PDE10A: variants seen among roughly 807,000 people sequenced by gnomAD.
PDE10A encodes cAMP and cAMP-inhibited cGMP 3',5'-cyclic phosphodiesterase 10A.
Under a neutral mutation model 97.7 loss-of-function variants are expected in PDE10A, and 39 were observed. The observed-to-expected ratio is 0.40, with a 90% CI of 0.31 to 0.52. PDE10A has a LOEUF of 0.52. PDE10A is among the 20% of genes least tolerant of loss of function. PDE10A has a pLI of 0.56. For missense variants in PDE10A, 731 were observed against 1,047.8 expected, an observed-to-expected ratio of 0.70 and a Z score of 4.17; for synonymous variants, 371 against 376.8, an observed-to-expected ratio of 0.98 and a Z score of 0.18.
chr6:165,649,353 A>G (rs1477830597), intron 1 of PDE10A, among the ~76,000 whole-genome samples: 1 of 152,210 alleles, frequency 6.6e-6, no homozygotes, highest in Non-Finnish European at 1.5e-5. Flanking sequence ...TATCCAAACC[A>G]AGGGGGAAGA....
intron 1 of PDE10A, among the ~76,000 whole-genome samples, chr6:165,720,001 G>A (rs1205376340): frequency 6.6e-6 from 1 of 152,226 alleles, no homozygotes; most frequent in Non-Finnish European, 1.5e-5. Flanking sequence ...GAGGATCGGG[G>A]AGGAACTGCT....
chr6:165,334,901 A>C (rs562197505), intron 21 of PDE10A, among the ~76,000 whole-genome samples: 9 of 152,200 alleles, frequency 5.9e-5, no homozygotes, highest in Non-Finnish European at 1.2e-4. Context: ...AAATTTCAAC[A>C]GCAGAAGATA....
chr6:165,878,177 A>C (rs1781393315), intron 1 of PDE10A, among the ~76,000 whole-genome samples: 1 of 152,226 alleles, frequency 6.6e-6, no homozygotes, highest in Non-Finnish European at 1.5e-5. Flanking sequence ...ACATTTTACA[A>C]AATCAGATTG....
At chr6:165,673,589 T>C (rs1307823604) in intron 1 of PDE10A, among the ~76,000 whole-genome samples, 1 of 152,240 alleles carries the variant, frequency 6.6e-6, no homozygotes, top group African/African-American at 2.4e-5. Context: ...AGTTTGTGTA[T>C]TTATTTGTAC....
intron 1 of PDE10A, among the ~76,000 whole-genome samples, chr6:165,693,773 G>A (rs1791371411): frequency 6.6e-6 from 1 of 152,028 alleles, no homozygotes; most frequent in South Asian, 2.1e-4. Flanking sequence ...ATTCATCTCC[G>A]GGTTCATTTG....
At chr6:165,387,249 G>C (rs1212209219) in intron 17 of PDE10A, among the ~76,000 whole-genome samples, 2 of 152,144 alleles carry the variant, frequency 1.3e-5, no homozygotes, top group Non-Finnish European at 2.9e-5. Context: ...CTTCTACCCA[G>C]AAGATAATTC....
At chr6:165,521,244 C>CT (rs992323808) in intron 2 of PDE10A, among the ~76,000 whole-genome samples, 1 of 152,108 alleles carries the variant, frequency 6.6e-6, no homozygotes, top group Non-Finnish European at 1.5e-5. Flanking sequence ...CACCAACTGG[C>CT]TGTTCCCCGA....
intron 1 of PDE10A, among the ~76,000 whole-genome samples, chr6:165,582,895 C>T (rs533789208): frequency 3.3e-4 from 51 of 152,250 alleles, no homozygotes; most frequent in African/African-American, 9.9e-4. Context: ...AGAAAACACA[C>T]AAGTATGTTT....
intron 1 of PDE10A, among the ~76,000 whole-genome samples, chr6:165,670,069 C>T (rs1294186396): frequency 3.9e-5 from 6 of 152,006 alleles, no homozygotes; most frequent in African/African-American, 1.5e-4. Flanking sequence ...AGCTGCACCA[C>T]CTGGCAGGGA....
intron 10 of PDE10A, among the ~76,000 whole-genome samples, chr6:165,423,119 C>G (rs1483069611): frequency 1.3e-5 from 2 of 152,182 alleles, no homozygotes; most frequent in East Asian, 3.9e-4. Flanking sequence ...AAGGACTACA[C>G]AAAAGTAAGT....
At chr6:165,603,952 T>C (rs1787088155) in intron 1 of PDE10A, among the ~76,000 whole-genome samples, 1 of 152,214 alleles carries the variant, frequency 6.6e-6, no homozygotes, top group Non-Finnish European at 1.5e-5. Flanking sequence ...TATTTCCACT[T>C]GTTTAAGTCA....
At chr6:165,566,550 G>A (rs910202288) in intron 1 of PDE10A, among the ~76,000 whole-genome samples, 5 of 152,234 alleles carry the variant, frequency 3.3e-5, no homozygotes, top group Non-Finnish European at 5.9e-5. Context: ...GGAAATGAAC[G>A]CCAGAAAACA....
intron 1 of PDE10A, among the ~76,000 whole-genome samples, chr6:165,826,559 C>G (rs1316787820): frequency 6.6e-6 from 1 of 152,164 alleles, no homozygotes; most frequent in African/African-American, 2.4e-5. Flanking sequence ...CTCTCTCTCT[C>G]CCACGCTCCC....
intron 2 of PDE10A, among the ~76,000 whole-genome samples, chr6:165,534,754 A>G (rs972931545): frequency 2.6e-5 from 4 of 152,090 alleles, no homozygotes; most frequent in African/African-American, 4.8e-5. Context: ...ACATTCCTTT[A>G]TGATAAAAAC....
intron 1 of PDE10A, among the ~76,000 whole-genome samples, chr6:165,913,546 G>A (rs9347097): frequency 0.16 from 24,421 of 152,008 alleles, 2,296 homozygotes; most frequent in East Asian, 0.27. Context: ...TTGTATTGTT[G>A]TTATTATTAT....
intron 16 of PDE10A, among the ~76,000 whole-genome samples, chr6:165,389,909 T>C (rs1785564762): frequency 6.6e-6 from 1 of 152,194 alleles, no homozygotes; most frequent in South Asian, 2.1e-4. Flanking sequence ...AAGAACTCTA[T>C]AGGTTAAATC....
intron 1 of PDE10A, among the ~76,000 whole-genome samples, chr6:165,884,555 C>G (rs1781577939): frequency 1.3e-5 from 2 of 152,174 alleles, no homozygotes; most frequent in African/African-American, 2.4e-5. Flanking sequence ...CCCTGAAACT[C>G]CCAACTATAC....
At chr6:165,534,412 C>T (rs938142495) in intron 2 of PDE10A, among the ~76,000 whole-genome samples, 1 of 149,984 alleles carries the variant, frequency 6.7e-6, no homozygotes, top group African/African-American at 2.4e-5. Context: ...TATTTCAAAA[C>T]ACTGAGGAGG....
At position 165,358,390 on chromosome 6, in the gene PDE10A, C is replaced by A. The variant is rs117224354; in HGVS notation, c.2784-14888G>T. On this transcript the variant is annotated intron_variant, in intron 18 of 21. Transcript: ENST00000539869. ...GAAGCTTTGTTATTAGGTGCATGTA[C>A]ATTCTGCATTTATTATGTCTTTTGT... Among the ~76,000 whole-genome samples the A allele has an allele frequency of 5.4e-3, 822 of 152,082 alleles. 4 individuals are homozygous for A. The highest frequency in any genetic ancestry group is 9.0e-3 in the Non-Finnish European group (612 of 67,946).
Sources: gnomAD v4.1 joint callset for allele counts (sites outside exome capture counted in the v4.1 genomes callset) on GRCh38, gnomAD v4.1.1 for gene constraint, MANE v1.5 for transcripts, NCBI Gene and HGNC (gene_info 2026-07-23, HGNC 2026-07-21) for gene names.